The following TRPC4 variants were observed in gnomAD, a reference collection of about 807,000 sequenced individuals.
TRPC4 encodes transient receptor potential cation channel subfamily C member 4.
TRPC4 carries 49 observed loss-of-function variants against 99.4 expected under a neutral mutation model. That is an observed-to-expected ratio of 0.49 (90% confidence interval 0.39 to 0.63). The LOEUF is 0.63. Ranked by LOEUF, TRPC4 falls within the 20% of genes least tolerant of loss-of-function variation. The probability of loss-of-function intolerance (pLI) is 0.00; values close to 1 mark genes in which losing one functional copy is unlikely to be tolerated. For missense variants in TRPC4, 898 were observed against 1,152.9 expected, an observed-to-expected ratio of 0.78 and a Z score of 3.20; for synonymous variants, 454 against 425.9, an observed-to-expected ratio of 1.07 and a Z score of -0.81.
rs534829892 is a variant in TRPC4 at position 37,686,321 on chromosome 13, C to T, written c.1234+5678G>A. ...GTGTGTATATGTGTCTATATGTATA[C>T]ATACATATATATGTATGTGTATATA... On this transcript the variant is annotated intron_variant, in intron 4 of 10. Coordinates refer to ENST00000379705, the MANE Select transcript of TRPC4 (RefSeq NM_016179.4). Among the ~76,000 whole-genome samples, 192 of 151,910 alleles carry T rather than the reference C, an allele frequency of 1.3e-3. No homozygotes were observed. In the Middle Eastern group the frequency reaches 0.024, roughly 19 times the overall value.
chr13:37,838,812 T>C (rs1179016409), intron 1 of TRPC4, among the ~76,000 whole-genome samples: 2 of 152,156 alleles, frequency 1.3e-5, no homozygotes, highest in Non-Finnish European at 2.9e-5. Flanking sequence ...TATTCTACAT[T>C]TGCATATACT....
At chr13:37,695,682 T>C (rs994033629) in intron 3 of TRPC4, among the ~76,000 whole-genome samples, 7 of 152,258 alleles carry the variant, frequency 4.6e-5, no homozygotes, top group African/African-American at 1.7e-4. Context: ...ATTTTAAAGA[T>C]GTCCCATCTC....
chr13:37,747,578 G>A (rs1433222772), intron 2 of TRPC4, among the ~76,000 whole-genome samples: 1 of 152,018 alleles, frequency 6.6e-6, no homozygotes, highest in African/African-American at 2.4e-5. Flanking sequence ...AACCACAAAA[G>A]GATCAGAGGA....
intron 5 of TRPC4, among the ~76,000 whole-genome samples, chr13:37,670,321 T>A (rs749726627): frequency 6.6e-6 from 1 of 152,212 alleles, no homozygotes; most frequent in Non-Finnish European, 1.5e-5. Flanking sequence ...AAAGAACAAT[T>A]ATAACAAGAT....
intron 1 of TRPC4, among the ~76,000 whole-genome samples, chr13:37,855,279 C>G (rs1184787099): frequency 2.1e-5 from 3 of 141,140 alleles, no homozygotes; most frequent in Admixed American, 1.4e-4. Flanking sequence ...GTCAATCCAG[C>G]AACAGGATAC....
intron 8 of TRPC4, among the ~76,000 whole-genome samples, chr13:37,649,747 A>AC (rs1566067291): frequency 6.8e-6 from 1 of 146,802 alleles, no homozygotes; most frequent in Admixed American, 6.9e-5. Flanking sequence ...AAAAAAAAAA[A>AC]AAAAAAAAAA....
At chr13:37,820,443 C>T (rs1555277810) in intron 1 of TRPC4, among the ~76,000 whole-genome samples, 1 of 152,008 alleles carries the variant, frequency 6.6e-6, no homozygotes, top group Non-Finnish European at 1.5e-5. Context: ...TTCTATGACG[C>T]CAGAATCCTC....
At chr13:37,867,312 G>A (rs772454513) in intron 1 of TRPC4, among the ~76,000 whole-genome samples, 1 of 151,874 alleles carries the variant, frequency 6.6e-6, no homozygotes, top group African/African-American at 2.4e-5. Flanking sequence ...TCCAATATAT[G>A]CATCGATCAG....
intron 3 of TRPC4, among the ~76,000 whole-genome samples, chr13:37,698,980 A>G (rs1466829189): frequency 6.6e-6 from 1 of 152,164 alleles, no homozygotes; most frequent in Non-Finnish European, 1.5e-5. Context: ...TATATGGCAA[A>G]TTTACCGTAC....
chr13:37,811,028 TC>T (rs1343761387), intron 1 of TRPC4, among the ~76,000 whole-genome samples: 1 of 152,142 alleles, frequency 6.6e-6, no homozygotes, highest in Non-Finnish European at 1.5e-5. Flanking sequence ...TCCCAGATCT[TC>T]TTTCAAATAC....
intron 1 of TRPC4, among the ~76,000 whole-genome samples, chr13:37,867,060 G>T (rs1188995662): frequency 1.3e-5 from 2 of 151,536 alleles, no homozygotes; most frequent in East Asian, 3.9e-4. Flanking sequence ...AAGCTATATG[G>T]CAATGATGGT....
intron 1 of TRPC4, among the ~76,000 whole-genome samples, chr13:37,868,411 A>T (rs914849024): frequency 6.6e-6 from 1 of 152,116 alleles, no homozygotes; most frequent in Admixed American, 6.5e-5. Context: ...AATGATGAAG[A>T]TTTCAACATT....
chr13:37,820,523 G>T (rs1481034474), intron 1 of TRPC4, among the ~76,000 whole-genome samples: 1 of 151,948 alleles, frequency 6.6e-6, no homozygotes, highest in African/African-American at 2.4e-5. Context: ...GTCAAATATA[G>T]ATGCAAAAAT....
At chr13:37,693,876 G>T (rs1953818014) in intron 3 of TRPC4, among the ~76,000 whole-genome samples, 1 of 152,078 alleles carries the variant, frequency 6.6e-6, no homozygotes, top group Admixed American at 6.5e-5. Context: ...AAAATAGTAT[G>T]GTTTTAAGGC....
intron 2 of TRPC4, among the ~76,000 whole-genome samples, chr13:37,760,130 T>G (rs1159859677): frequency 1.3e-5 from 2 of 151,948 alleles, no homozygotes; most frequent in East Asian, 3.9e-4. Flanking sequence ...TTAGTTGAGA[T>G]TCTACTTTCT....
intron 1 of TRPC4, among the ~76,000 whole-genome samples, chr13:37,840,505 C>A (rs1958702417): frequency 6.6e-6 from 1 of 152,004 alleles, no homozygotes; most frequent in Admixed American, 6.6e-5. Context: ...CCCTTCTCAT[C>A]ATTCTCTATC....
chr13:37,731,386 A>G (rs1277030219), intron 3 of TRPC4, among the ~76,000 whole-genome samples: 1 of 152,082 alleles, frequency 6.6e-6, no homozygotes, highest in Non-Finnish European at 1.5e-5. Flanking sequence ...TCTTAACACA[A>G]GAAGCTGTGA....
chr13:37,746,587 G>C, intron 2 of TRPC4, 132 bp from the exon 3 acceptor site: 1 of 972,530 alleles, frequency 1.0e-6, no homozygotes, highest in Non-Finnish European at 1.4e-6. Flanking sequence ...TTTTGTAGGA[G>C]AGATATGGTC....
At chr13:37,777,262 T>C (rs1956731203) in intron 2 of TRPC4, among the ~76,000 whole-genome samples, 4 of 151,906 alleles carry the variant, frequency 2.6e-5, no homozygotes, top group African/African-American at 9.7e-5. Context: ...TGACTCACAG[T>C]TCCACAGGCT....
Sources: allele counts gnomAD v4.1 joint callset (sites outside exome capture counted in the v4.1 genomes callset), GRCh38; gene constraint gnomAD v4.1.1; transcripts MANE v1.5; gene names NCBI Gene and HGNC (gene_info 2026-07-23, HGNC 2026-07-21).